The following LRRC37A2 variants were observed in gnomAD, a reference collection of about 807,000 sequenced individuals.
LRRC37A2 encodes the protein leucine rich repeat containing 37 member A2.
In LRRC37A2, 9 loss-of-function variants were observed where a neutral mutation model predicts 68.8. That is an observed-to-expected ratio of 0.13 (90% CI 0.08 to 0.23). The LOEUF (loss-of-function observed/expected upper bound fraction) is 0.23, where lower values mean the gene tolerates loss of function less well. Among genes scored for constraint, LRRC37A2 ranks in the 10% least tolerant of loss-of-function variants. The pLI, the probability that LRRC37A2 is intolerant of heterozygous loss-of-function variation, is 1.00. For missense variants in LRRC37A2, 168 were observed against 950.4 expected, an observed-to-expected ratio of 0.18 and a Z score of 10.82; for synonymous variants, 63 against 367.6, an observed-to-expected ratio of 0.17 and a Z score of 9.48.
chr17:46,737,570 T>TGC, the LRRC37A2 span, among the ~76,000 whole-genome samples: 1 of 94,028 alleles, frequency 1.1e-5, no homozygotes, highest in African/African-American at 3.5e-5. Flanking sequence ...AGGGTGTGTG[T>TGC]GCGTGTGTGT....
chr17:46,711,071 C>T, the LRRC37A2 span: 1 of 1,582,722 alleles, frequency 6.3e-7, no homozygotes, highest in South Asian at 1.2e-5. Flanking sequence ...GCTGGTGCAG[C>T]AGACTAAGAA....
At chr17:46,900,220 C>CACACACACAT in the LRRC37A2 span, among the ~76,000 whole-genome samples, 2 of 122,194 alleles carry the variant, frequency 1.6e-5, no homozygotes, top group African/African-American at 7.6e-5. Context: ...CACACACACA[C>CACACACACAT]ATATATATAT....
At chr17:46,802,426 C>T in the LRRC37A2 span, among the ~76,000 whole-genome samples, 1 of 152,138 alleles carries the variant, frequency 6.6e-6, no homozygotes, top group African/African-American at 2.4e-5. Flanking sequence ...CCACCATGCT[C>T]GGCTAATTTT....
the LRRC37A2 span, chr17:46,875,106 A>G: frequency 6.2e-7 from 1 of 1,613,616 alleles, no homozygotes; most frequent in Non-Finnish European, 8.5e-7. Flanking sequence ...TCCAGGCTTC[A>G]AAGAGACAGC....
the LRRC37A2 span, among the ~76,000 whole-genome samples, chr17:46,490,785 G>A: frequency 1.3e-5 from 2 of 148,878 alleles, no homozygotes; most frequent in South Asian, 2.1e-4. Flanking sequence ...GGAAAGTAAT[G>A]TAGAAAATTT....
chr17:46,904,483 TG>T, the LRRC37A2 span, among the ~76,000 whole-genome samples: 1 of 147,052 alleles, frequency 6.8e-6, no homozygotes, highest in Non-Finnish European at 1.5e-5. Flanking sequence ...GATGGATGGA[TG>T]GATGGATGGG....
At chr17:46,798,189 G>A in the LRRC37A2 span, among the ~76,000 whole-genome samples, 11 of 152,152 alleles carry the variant, frequency 7.2e-5, no homozygotes, top group Admixed American at 7.2e-4. Flanking sequence ...TCGGCCTCCC[G>A]AAGTGCTGGG....
chr17:46,912,331 G>GTGA, the LRRC37A2 span, among the ~76,000 whole-genome samples: 1 of 152,244 alleles, frequency 6.6e-6, no homozygotes, highest in Non-Finnish European at 1.5e-5. Context: ...CAGCTCACAG[G>GTGA]TGATGGGGTT....
chr17:46,495,013 A>G, the LRRC37A2 span, among the ~76,000 whole-genome samples: 6 of 149,508 alleles, frequency 4.0e-5, 1 homozygote, highest in African/African-American at 1.3e-4. Context: ...TCTACTGCCT[A>G]TCTCCATGAA....
At chr17:46,708,488 AT>A in the LRRC37A2 span, among the ~76,000 whole-genome samples, 153 of 140,706 alleles carry the variant, frequency 1.1e-3, 4 homozygotes, top group East Asian at 0.025. Flanking sequence ...TTTGTTACAT[AT>A]CCTTTTTTTT....
chr17:46,655,986 C>A, the LRRC37A2 span, among the ~76,000 whole-genome samples: 2 of 73,876 alleles, frequency 2.7e-5, no homozygotes, highest in Non-Finnish European at 4.8e-5. Context: ...AGAAAAAGAT[C>A]ATTTGGAAGG....
the LRRC37A2 span, among the ~76,000 whole-genome samples, chr17:47,000,098 AAAT>A: frequency 2.3e-5 from 3 of 133,154 alleles, no homozygotes; most frequent in South Asian, 2.4e-4. Context: ...AAATAAAATA[AAAT>A]AAAATAAAAT....
chr17:46,771,819 G>C, the LRRC37A2 span, among the ~76,000 whole-genome samples: 1 of 142,788 alleles, frequency 7.0e-6, no homozygotes, highest in Non-Finnish European at 1.5e-5. Flanking sequence ...ATGGCGCGGC[G>C]GCCGCGCGGT....
At chr17:46,837,445 G>C in the LRRC37A2 span, among the ~76,000 whole-genome samples, 3 of 152,192 alleles carry the variant, frequency 2.0e-5, no homozygotes, top group Admixed American at 6.5e-5. Context: ...GAATCAGCAA[G>C]CACCAGGCCA....
chr17:47,030,088 A>AATAATC, the LRRC37A2 span, among the ~76,000 whole-genome samples: 3 of 107,138 alleles, frequency 2.8e-5, no homozygotes, highest in Admixed American at 9.5e-5. Context: ...TAATAATAAT[A>AATAATC]ATCATCATCA....
the LRRC37A2 span, among the ~76,000 whole-genome samples, chr17:46,748,823 G>A: frequency 6.6e-6 from 1 of 152,248 alleles, no homozygotes; most frequent in Admixed American, 6.5e-5. Flanking sequence ...AAGCAAAGGG[G>A]AAAAAGGCAA....
chr17:46,936,320 G>A, the LRRC37A2 span: 2 of 985,316 alleles, frequency 2.0e-6, no homozygotes, highest in Non-Finnish European at 2.4e-6. Flanking sequence ...AGCCAGTGGG[G>A]GTTAGAGCGT....
the LRRC37A2 span, among the ~76,000 whole-genome samples, chr17:46,975,909 A>AAAG: frequency 6.6e-6 from 1 of 152,152 alleles, no homozygotes; most frequent in Admixed American, 6.5e-5. Context: ...GGAAGGAAAG[A>AAAG]AAATGATAAA....
At chr17:46,759,432 A>G in the LRRC37A2 span, among the ~76,000 whole-genome samples, 1 of 152,252 alleles carries the variant, frequency 6.6e-6, no homozygotes, top group Non-Finnish European at 1.5e-5. Context: ...GGTGAAGACA[A>G]AATATCCAAG....
Sources: allele counts gnomAD v4.1 joint callset (sites outside exome capture counted in the v4.1 genomes callset), GRCh38; gene constraint gnomAD v4.1.1; transcripts MANE v1.5; gene names NCBI Gene and HGNC (gene_info 2026-07-23, HGNC 2026-07-21).